Variants in FBXL13 observed in about 807,000 individuals in gnomAD.
FBXL13 encodes F-box and leucine rich repeat protein 13.
In FBXL13, 67 loss-of-function variants were observed where a neutral mutation model predicts 83.6. The ratio of observed to expected loss-of-function variants is 0.80; its 90% CI spans 0.66 to 0.98. The LOEUF (loss-of-function observed/expected upper bound fraction) is 0.98. Ranked by LOEUF, FBXL13 falls within the 50% of genes least tolerant of loss-of-function variation. FBXL13 has a pLI of 0.00. For missense variants in FBXL13, 822 were observed against 866.5 expected (o/e 0.95, Z 0.64); for synonymous variants, 272 against 299.5 (o/e 0.91, Z 0.95).
intron 6 of FBXL13, among the ~76,000 whole-genome samples, chr7:102,983,935 T>C (rs1004731709): frequency 2.6e-5 from 4 of 152,202 alleles, no homozygotes; most frequent in African/African-American, 9.7e-5. Context: ...GCTGGAAATT[T>C]GAATTCCTGA....
At chr7:102,856,917 A>G (rs1806123648) in intron 16 of FBXL13, among the ~76,000 whole-genome samples, 1 of 152,206 alleles carries the variant, frequency 6.6e-6, no homozygotes, top group South Asian at 2.1e-4. Context: ...GTGAAAACAT[A>G]TGTTTACAAA....
At chr7:102,968,749 A>T (rs749864336) in intron 6 of FBXL13, among the ~76,000 whole-genome samples, 1 of 152,242 alleles carries the variant, frequency 6.6e-6, no homozygotes, top group African/African-American at 2.4e-5. Flanking sequence ...GACTGATAAT[A>T]AGGTGCTTCA....
intron 6 of FBXL13, among the ~76,000 whole-genome samples, chr7:102,991,537 A>G: frequency 6.6e-6 from 1 of 152,214 alleles, no homozygotes; most frequent in South Asian, 2.1e-4. Context: ...ACATTTTTAG[A>G]CATGAAGGAA....
At chr7:102,884,441 A>C (rs1032442161) in intron 11 of FBXL13, 129 bp from the exon 13 acceptor site, 5 of 650,988 alleles carry the variant, frequency 7.7e-6, no homozygotes, top group Non-Finnish European at 1.4e-5. Context: ...TGTGGCAGAC[A>C]CAAGAGGGAA....
intron 8 of FBXL13, among the ~76,000 whole-genome samples, chr7:102,956,392 T>C (rs1824275614): frequency 6.6e-6 from 1 of 151,680 alleles, no homozygotes; most frequent in Non-Finnish European, 1.5e-5. Context: ...CTCAAAACAA[T>C]AAGAGCTATT....
intron 11 of FBXL13, among the ~76,000 whole-genome samples, chr7:102,899,511 G>A (rs1045810914): frequency 2.0e-5 from 3 of 152,084 alleles, no homozygotes; most frequent in African/African-American, 7.2e-5. Flanking sequence ...AGACCTATAC[G>A]CTCCAGGCCC....
intron 11 of FBXL13, among the ~76,000 whole-genome samples, chr7:102,897,087 G>T (rs1296246528): frequency 6.6e-6 from 1 of 151,430 alleles, no homozygotes; most frequent in Non-Finnish European, 1.5e-5. Flanking sequence ...ATATACATGA[G>T]ATACATATAC....
chr7:102,880,522 T>C lies in FBXL13; in HGVS notation c.1389-2072A>G, dbSNP rs142493723. Among the ~76,000 whole-genome samples, 580 of 152,350 alleles carry C rather than the reference T, an allele frequency of 3.8e-3. 5 individuals carry two copies. The highest frequency in any genetic ancestry group is 0.014 in the African/African-American group (573 of 41,574). Reference sequence around the variant, plus strand: ...TCCCAGATAAATCTAATTGTTTTATTATGTTTGGTTGTCTGCTCATATTTC... The same window carrying C: ...TCCCAGATAAATCTAATTGTTTTATCATGTTTGGTTGTCTGCTCATATTTC... On this transcript the variant is annotated intron_variant, in intron 14 of 19. Coordinates refer to ENST00000313221, the Ensembl canonical transcript of FBXL13.
chr7:102,902,320 A>G (rs1212159394), intron 11 of FBXL13, among the ~76,000 whole-genome samples: 1 of 152,040 alleles, frequency 6.6e-6, no homozygotes. Context: ...CTCCTTATAT[A>G]TTTTGTTTTT....
chr7:102,993,322 T>C (rs1829773847), intron 6 of FBXL13, among the ~76,000 whole-genome samples: 1 of 152,226 alleles, frequency 6.6e-6, no homozygotes, highest in East Asian at 1.9e-4. Context: ...TTAATAGCTA[T>C]CCATGTTTCT....
chr7:102,932,280 T>C (rs2129473234), intron 8 of FBXL13, among the ~76,000 whole-genome samples: 1 of 152,362 alleles, frequency 6.6e-6, no homozygotes, highest in East Asian at 1.9e-4. Flanking sequence ...TTTGTTTTCA[T>C]TTAACATTTT....
At chr7:102,974,788 C>A (rs1827230047) in intron 6 of FBXL13, among the ~76,000 whole-genome samples, 1 of 152,060 alleles carries the variant, frequency 6.6e-6, no homozygotes, top group African/African-American at 2.4e-5. Flanking sequence ...TCTTTAACCC[C>A]CTAAGCCTCC....
chr7:103,020,415 A>C (rs1585394621), intron 6 of FBXL13, among the ~76,000 whole-genome samples: 1 of 152,358 alleles, frequency 6.6e-6, no homozygotes, highest in East Asian at 1.9e-4. Flanking sequence ...AAACTAGCAC[A>C]AGACAAGGAT....
At chr7:102,863,855 G>A (rs1452902742) in intron 16 of FBXL13, among the ~76,000 whole-genome samples, 4 of 152,060 alleles carry the variant, frequency 2.6e-5, no homozygotes, top group South Asian at 2.1e-4. Context: ...CCTGAGCATC[G>A]TCTATGTCTC....
At chr7:102,865,735 G>A (rs1373567090) in intron 16 of FBXL13, among the ~76,000 whole-genome samples, 4 of 151,564 alleles carry the variant, frequency 2.6e-5, no homozygotes, top group African/African-American at 4.8e-5. Flanking sequence ...TAGTAGAGAC[G>A]GGGTTTCACC....
At chr7:102,918,201 A>G (rs1485015953) in intron 10 of FBXL13, among the ~76,000 whole-genome samples, 1 of 152,236 alleles carries the variant, frequency 6.6e-6, no homozygotes, top group Non-Finnish European at 1.5e-5. Context: ...ACAGAGAATC[A>G]TTATGAAATG....
At chr7:102,937,345 C>CAAA (rs373845836) in intron 8 of FBXL13, among the ~76,000 whole-genome samples, 139 of 143,790 alleles carry the variant, frequency 9.7e-4, no homozygotes, top group African/African-American at 3.1e-3. Context: ...ACTAAAAATA[C>CAAA]AAAAAAAAAA....
At chr7:102,939,245 C>G (rs1820921766) in intron 8 of FBXL13, among the ~76,000 whole-genome samples, 1 of 152,168 alleles carries the variant, frequency 6.6e-6, no homozygotes, top group Non-Finnish European at 1.5e-5. Context: ...TCACTGTAGG[C>G]TTTGCTGGGC....
intron 17 of FBXL13, among the ~76,000 whole-genome samples, chr7:102,836,729 A>G (rs10271184): frequency 0.46 from 69,658 of 152,040 alleles, 17,861 homozygotes; most frequent in African/African-American, 0.7. Flanking sequence ...CAGTGTAGGC[A>G]CTTAATGACT....
Sources: gnomAD v4.1 joint callset for allele counts (sites outside exome capture counted in the v4.1 genomes callset) on GRCh38, gnomAD v4.1.1 for gene constraint, MANE v1.5 for transcripts, NCBI Gene and HGNC (gene_info 2026-07-23, HGNC 2026-07-21) for gene names.